Variants in NEMF observed in about 807,000 individuals in gnomAD.
The protein encoded by NEMF is ribosome quality control complex subunit NEMF.
Under a neutral mutation model 162.2 loss-of-function variants are expected in NEMF, and 89 were observed. The observed-to-expected ratio is 0.55, with a 90% CI of 0.46 to 0.65. The LOEUF is 0.65. NEMF is among the 30% of genes least tolerant of loss of function. The pLI is 0.00. For missense variants in NEMF, 1,133 were observed against 1,261.9 expected (o/e 0.90, Z 1.55); for synonymous variants, 421 against 404.5 (o/e 1.04, Z -0.49).
chr14:49,819,259 T>G (rs1165008139), intron 16 of NEMF, among the ~76,000 whole-genome samples: 2 of 152,084 alleles, frequency 1.3e-5, no homozygotes, highest in African/African-American at 4.8e-5. Flanking sequence ...GGAAATTTGC[T>G]GAGAGTATAT....
chr14:49,851,918 T>G, intron 1 of NEMF, 43 bp from the exon 2 acceptor site: 1 of 1,197,280 alleles, frequency 8.4e-7, no homozygotes, highest in Non-Finnish European at 1.2e-6. Context: ...CACTATTGTC[T>G]GAAACATAAA....
chr14:49,810,061 G>A (rs954968257), intron 18 of NEMF, among the ~76,000 whole-genome samples: 9 of 151,220 alleles, frequency 6.0e-5, no homozygotes, highest in Non-Finnish European at 8.9e-5. Context: ...AAAACTGGTC[G>A]AAAAAAATGT....
Position 49,806,135 on chromosome 14 carries a change from T to A in NEMF, c.1745-2A>T. The A allele has an allele frequency of 6.2e-7, 1 of 1,604,618 alleles. No homozygotes were observed. The highest frequency in any genetic ancestry group is 8.5e-7 in the Non-Finnish European group (1 of 1,175,268). ...AGGTCCGTGGGGGGATGGGTTCTCC[T>A]AGAATAACAATGCATAATGTTTCAA... On this transcript the variant is annotated splice_acceptor_variant, in intron 18 of 32. Transcript: ENST00000298310. LOFTEE classifies it high-confidence loss of function.
chr14:49,833,517 G>A (rs200759203), intron 7 of NEMF, 21 bp from the exon 8 acceptor site: 21 of 1,515,066 alleles, frequency 1.4e-5, no homozygotes, highest in Admixed American at 1.9e-5. Flanking sequence ...GGGAAAAAAA[G>A]GAAAAAAGGA....
chr14:49,837,458 C>T (rs1892960229), intron 6 of NEMF, among the ~76,000 whole-genome samples: 1 of 151,790 alleles, frequency 6.6e-6, no homozygotes, highest in South Asian at 2.1e-4. Flanking sequence ...TGAGACCAGC[C>T]TGGGCAACAT....
chr14:49,844,810 C>A, intron 4 of NEMF: 1 of 426,794 alleles, frequency 2.3e-6, no homozygotes, highest in Non-Finnish European at 4.8e-6. Context: ...ACTCTGTCAC[C>A]TGAGCTGGAG....
chr14:49,797,359 G>GC (rs1890736459), intron 25 of NEMF: 1 of 151,070 alleles, frequency 6.6e-6, no homozygotes, highest in Non-Finnish European at 1.5e-5. Flanking sequence ...TCGGCCAGGC[G>GC]CGGTGGCTCA....
intron 14 of NEMF, 49 bp from the exon 15 acceptor site, chr14:49,828,403 A>G (rs1411974117): frequency 8.1e-7 from 1 of 1,240,900 alleles, no homozygotes; most frequent in South Asian, 1.3e-5. Context: ...TTTATTCTTC[A>G]GTTTTCTACT....
At chr14:49,784,866 G>A in intron 32 of NEMF, 59 bp downstream of exon 32, 1 of 1,480,300 alleles carries the variant, frequency 6.8e-7, no homozygotes, top group Non-Finnish European at 9.4e-7. Flanking sequence ...ACAAAAAACT[G>A]CTAACATTTT....
At chr14:49,789,715 G>T (rs1057112110) in intron 26 of NEMF, 142 bp from the exon 27 acceptor site, 14 of 1,222,072 alleles carry the variant, frequency 1.1e-5, no homozygotes, top group Non-Finnish European at 1.5e-5. Context: ...CAATATGAAG[G>T]CTACAAAGTT....
intron 25 of NEMF, among the ~76,000 whole-genome samples, chr14:49,798,139 G>A (rs1054981649): frequency 5.9e-5 from 9 of 152,072 alleles, no homozygotes; most frequent in African/African-American, 1.2e-4. Flanking sequence ...GTTGAAAAAC[G>A]AATGAATGAA....
At chr14:49,830,739 C>G (rs943981712) in intron 11 of NEMF, among the ~76,000 whole-genome samples, 13 of 152,190 alleles carry the variant, frequency 8.5e-5, no homozygotes, top group African/African-American at 3.1e-4. Flanking sequence ...TTGAAAAAAT[C>G]AAATCCCCTT....
At chr14:49,813,874 G>A (rs1891598310) in intron 18 of NEMF, 114 bp downstream of exon 18, 1 of 664,954 alleles carries the variant, frequency 1.5e-6, no homozygotes, top group Admixed American at 2.5e-5. Flanking sequence ...AAAGTGCTGG[G>A]ATTACAGGCA....
intron 28 of NEMF, among the ~76,000 whole-genome samples, chr14:49,788,556 CTCTTTT>C (rs1566647092): frequency 3.2e-5 from 2 of 62,986 alleles, no homozygotes; most frequent in Non-Finnish European, 3.3e-5. Flanking sequence ...TTTTCTCTCT[CTCTTTT>C]TTTTTTTTTT....
At chr14:49,850,119 T>G (rs1164674048) in intron 3 of NEMF, among the ~76,000 whole-genome samples, 1 of 152,186 alleles carries the variant, frequency 6.6e-6, no homozygotes, top group Admixed American at 6.5e-5. Context: ...TTCTTTTTTT[T>G]TTAGATGGAG....
Position 49,799,622 on chromosome 14 carries a change from T to C in NEMF, c.2415+14A>G, listed in dbSNP as rs182137462. Reference sequence around the variant, plus strand: ...GAGAATCGGATGTTCTTCATAAAACTGAAAATAGCTTACAGAATTAGAAGA... The same window carrying C: ...GAGAATCGGATGTTCTTCATAAAACCGAAAATAGCTTACAGAATTAGAAGA... On this transcript the variant is annotated intron_variant, in intron 24 of 32. Coordinates refer to ENST00000298310, the MANE Select transcript of NEMF (RefSeq NM_004713.6). The C allele has an allele frequency of 6.6e-4, 1,053 of 1,606,412 alleles. 6 individuals are homozygous for C. In the African/African-American group the frequency reaches 0.012, roughly 19 times the overall value.
At chr14:49,826,499 C>T (rs1169445399) in intron 15 of NEMF, among the ~76,000 whole-genome samples, 7 of 133,634 alleles carry the variant, frequency 5.2e-5, no homozygotes, top group Admixed American at 4.3e-4. Flanking sequence ...CAACGACTAA[C>T]GGGGTTATCA....
intron 6 of NEMF, among the ~76,000 whole-genome samples, chr14:49,837,694 A>C (rs1226160280): frequency 1.3e-5 from 2 of 152,138 alleles, no homozygotes; most frequent in Middle Eastern, 3.4e-3. Context: ...CGTCTTCTCT[A>C]GATTCCTTAA....
At chr14:49,794,176 C>T (rs1890581573) in intron 26 of NEMF, among the ~76,000 whole-genome samples, 1 of 152,108 alleles carries the variant, frequency 6.6e-6, no homozygotes, top group Admixed American at 6.5e-5. Context: ...AAAATTCTAG[C>T]ATTAAATATT....
Sources: allele counts gnomAD v4.1 joint callset (sites outside exome capture counted in the v4.1 genomes callset), GRCh38; gene constraint gnomAD v4.1.1; transcripts MANE v1.5; gene names NCBI Gene and HGNC (gene_info 2026-07-23, HGNC 2026-07-21).